CNTN5: variants seen among roughly 807,000 people sequenced by gnomAD.
CNTN5 encodes the protein contactin 5.
In CNTN5, 77 loss-of-function variants were observed where a neutral mutation model predicts 129.1. The observed-to-expected ratio is 0.60, with a 90% CI of 0.50 to 0.72. The LOEUF is 0.72. CNTN5 is among the 30% of genes least tolerant of loss of function. The pLI is 0.00. For missense variants in CNTN5, 1,478 were observed against 1,328.8 expected, an observed-to-expected ratio of 1.11 and a Z score of -1.75; for synonymous variants, 509 against 465.6, an observed-to-expected ratio of 1.09 and a Z score of -1.20.
intron 2 of CNTN5, among the ~76,000 whole-genome samples, chr11:99,432,460 C>CCTTCCT (rs1943418311): frequency 8.8e-6 from 1 of 113,682 alleles, no homozygotes; most frequent in East Asian, 2.5e-4. Flanking sequence ...CTTTTCTTTT[C>CCTTCCT]TTTCCTTTTC....
chr11:99,471,465 A>T (rs1945170558), intron 2 of CNTN5, among the ~76,000 whole-genome samples: 1 of 152,078 alleles, frequency 6.6e-6, no homozygotes, highest in South Asian at 2.1e-4. Flanking sequence ...TTCCTGGTCT[A>T]AATTTGTCAT....
chr11:99,829,270 T>C, intron 4 of CNTN5, among the ~76,000 whole-genome samples: 1 of 152,162 alleles, frequency 6.6e-6, no homozygotes, highest in East Asian at 1.9e-4. Context: ...ATTTAGGAAG[T>C]ACAGAAAAAG....
intron 8 of CNTN5, among the ~76,000 whole-genome samples, chr11:99,972,185 C>T (rs1250263145): frequency 5.9e-5 from 9 of 151,572 alleles, no homozygotes; most frequent in South Asian, 2.1e-4. Context: ...GGCGTGAACC[C>T]GGGAGGCGGA....
intron 2 of CNTN5, among the ~76,000 whole-genome samples, chr11:99,400,142 T>A (rs1373752315): frequency 1.3e-5 from 2 of 152,052 alleles, no homozygotes; most frequent in African/African-American, 4.8e-5. Context: ...CCATTAACCA[T>A]CCCCACTTTC....
At chr11:99,858,499 A>C (rs888701265) in intron 6 of CNTN5, among the ~76,000 whole-genome samples, 1 of 151,886 alleles carries the variant, frequency 6.6e-6, no homozygotes, top group Non-Finnish European at 1.5e-5. Flanking sequence ...CTTGACCTCT[A>C]TTTCCTAAAT....
intron 3 of CNTN5, among the ~76,000 whole-genome samples, chr11:99,790,009 A>G (rs1330242393): frequency 1.3e-5 from 2 of 151,978 alleles, no homozygotes; most frequent in African/African-American, 2.4e-5. Context: ...GCTCCCACTT[A>G]TAAGTAAGAA....
At chr11:99,610,145 G>A (rs1276946551) in intron 3 of CNTN5, among the ~76,000 whole-genome samples, 2 of 152,136 alleles carry the variant, frequency 1.3e-5, no homozygotes, top group African/African-American at 4.8e-5. Flanking sequence ...TTTCTAATGT[G>A]TGCAAAACAC....
intron 1 of CNTN5, among the ~76,000 whole-genome samples, chr11:99,152,391 A>G (rs1441426240): frequency 6.6e-6 from 1 of 152,208 alleles, no homozygotes; most frequent in Non-Finnish European, 1.5e-5. Context: ...CATTACCATT[A>G]TATAACACCC....
intron 3 of CNTN5, among the ~76,000 whole-genome samples, chr11:99,624,999 T>C (rs1025559693): frequency 6.6e-6 from 1 of 152,200 alleles, no homozygotes; most frequent in Non-Finnish European, 1.5e-5. Flanking sequence ...GAGATGCTGT[T>C]TTGTTTACCA....
intron 1 of CNTN5, among the ~76,000 whole-genome samples, chr11:99,283,404 A>C (rs1185105585): frequency 6.6e-6 from 1 of 151,966 alleles, no homozygotes; most frequent in African/African-American, 2.4e-5. Context: ...ACATGTGCAC[A>C]CACACATGCA....
At chr11:99,611,639 ACT>A (rs1950595545) in intron 3 of CNTN5, among the ~76,000 whole-genome samples, 1 of 152,116 alleles carries the variant, frequency 6.6e-6, no homozygotes, top group Admixed American at 6.6e-5. Flanking sequence ...ACCAATTTCA[ACT>A]CTTTCATGAT....
intron 2 of CNTN5, among the ~76,000 whole-genome samples, chr11:99,420,656 C>T (rs1177499617): frequency 6.6e-6 from 1 of 151,962 alleles, no homozygotes; most frequent in Non-Finnish European, 1.5e-5. Context: ...AATAAGATTA[C>T]GATGAAAAAG....
At chr11:99,517,348 C>A (rs138351967) in intron 2 of CNTN5, among the ~76,000 whole-genome samples, 19 of 152,148 alleles carry the variant, frequency 1.2e-4, no homozygotes, top group African/African-American at 4.3e-4. Context: ...TGCAGTAGAT[C>A]TTCTCCACAG....
intron 3 of CNTN5, among the ~76,000 whole-genome samples, chr11:99,692,583 G>T (rs1337048774): frequency 6.6e-6 from 1 of 151,882 alleles, no homozygotes; most frequent in East Asian, 1.9e-4. Context: ...GGTTTGTAAG[G>T]TTTCCACTGA....
chr11:99,430,658 C>CTATA (rs1182032724), intron 2 of CNTN5, among the ~76,000 whole-genome samples: 2 of 151,622 alleles, frequency 1.3e-5, no homozygotes, highest in African/African-American at 4.8e-5. Flanking sequence ...GGGTAGCTAT[C>CTATA]TATATAGAGA....
intron 9 of CNTN5, among the ~76,000 whole-genome samples, chr11:100,050,964 G>A (rs565286063): frequency 6.6e-6 from 1 of 152,200 alleles, no homozygotes; most frequent in African/African-American, 2.4e-5. Flanking sequence ...GTACTTAACA[G>A]GAAATTGATA....
chr11:99,986,137 C>G (rs1414522466), intron 8 of CNTN5, among the ~76,000 whole-genome samples: 1 of 152,104 alleles, frequency 6.6e-6, no homozygotes, highest in African/African-American at 2.4e-5. Context: ...CCATCATACC[C>G]TCACATCCTC....
intron 1 of CNTN5, among the ~76,000 whole-genome samples, chr11:99,181,296 G>T (rs777345705): frequency 1.3e-5 from 2 of 152,206 alleles, no homozygotes; most frequent in Non-Finnish European, 2.9e-5. Flanking sequence ...AACAGGAAGA[G>T]TTCTACTATA....
intron 1 of CNTN5, among the ~76,000 whole-genome samples, chr11:99,245,388 G>A (rs1316346389): frequency 6.6e-6 from 1 of 152,024 alleles, no homozygotes; most frequent in Non-Finnish European, 1.5e-5. Flanking sequence ...GCACCATCTT[G>A]GCTCACTGCA....
Sources: allele counts gnomAD v4.1 joint callset (sites outside exome capture counted in the v4.1 genomes callset), GRCh38; gene constraint gnomAD v4.1.1; transcripts MANE v1.5; gene names NCBI Gene and HGNC (gene_info 2026-07-23, HGNC 2026-07-21).